NPSR1: variants seen among roughly 807,000 people sequenced by gnomAD.
NPSR1 encodes neuropeptide S receptor 1, also known as neuropeptide S receptor.
Under a neutral mutation model 46.9 loss-of-function variants are expected in NPSR1, and 48 were observed. The ratio of observed to expected loss-of-function variants is 1.02; its 90% confidence interval spans 0.81 to 1.30. The LOEUF (loss-of-function observed/expected upper bound fraction) is 1.30. Ranked by LOEUF, NPSR1 falls within the 50% of genes most tolerant of loss-of-function variation. NPSR1 has a pLI of 0.00. For synonymous variants in NPSR1, 176 were observed against 168.1 expected, an observed-to-expected ratio of 1.05 and a Z score of -0.36; for missense variants, 450 against 449.5, an observed-to-expected ratio of 1.00 and a Z score of -0.01.
At chr7:34,692,151 T>C (rs1245297093) in intron 2 of NPSR1, among the ~76,000 whole-genome samples, 1 of 151,032 alleles carries the variant, frequency 6.6e-6, no homozygotes, top group Non-Finnish European at 1.5e-5. Context: ...CGAAACAAAA[T>C]AAAAAGAAAG....
At chr7:34,785,873 C>T (rs758420813) in intron 3 of NPSR1, among the ~76,000 whole-genome samples, 5 of 152,072 alleles carry the variant, frequency 3.3e-5, no homozygotes, top group African/African-American at 7.2e-5. Flanking sequence ...TTTAAAAATA[C>T]TTAATGGCTA....
At position 34,838,152 on chromosome 7, in the gene NPSR1, C is replaced by T. The variant is rs559158859; in HGVS notation, c.757+3692C>T. Among the ~76,000 whole-genome samples, 6 of 152,268 alleles carry T rather than the reference C, an allele frequency of 3.9e-5. No individual in the cohort carries two copies. The East Asian group carries it at 1.2e-3, about 29-fold the overall frequency. On this transcript the variant is annotated intron_variant, in intron 6 of 8. Coordinates refer to ENST00000360581, the MANE Select transcript of NPSR1 (RefSeq NM_207172.2). ...GCATGCCTCCCCCCAGGGAGGCTGACTTCCTGGCTCTCTCCAAAGTTCCCA... is the reference window on the plus strand; with the variant it reads ...GCATGCCTCCCCCCAGGGAGGCTGATTTCCTGGCTCTCTCCAAAGTTCCCA...
chr7:34,815,497 T>C (rs1789201859), intron 4 of NPSR1, among the ~76,000 whole-genome samples: 1 of 152,196 alleles, frequency 6.6e-6, no homozygotes, highest in African/African-American at 2.4e-5. Flanking sequence ...GAACACACTC[T>C]TCATGATATT....
chr7:34,749,394 AG>A (rs1785386761), intron 2 of NPSR1, among the ~76,000 whole-genome samples: 2 of 152,214 alleles, frequency 1.3e-5, no homozygotes, highest in African/African-American at 4.8e-5. Context: ...GGAGAGGTAA[AG>A]GAAGATGTTC....
At chr7:34,756,906 T>C (rs1273708951) in intron 2 of NPSR1, among the ~76,000 whole-genome samples, 1 of 152,250 alleles carries the variant, frequency 6.6e-6, no homozygotes, top group Non-Finnish European at 1.5e-5. Flanking sequence ...ACATGCTTTA[T>C]ATGCTTTACT....
chr7:34,814,475 C>A (rs923774180), intron 4 of NPSR1, among the ~76,000 whole-genome samples: 9 of 152,252 alleles, frequency 5.9e-5, no homozygotes, highest in Admixed American at 2.0e-4. Context: ...CATAGCTGAA[C>A]AAAAGGCAGC....
intron 2 of NPSR1, among the ~76,000 whole-genome samples, chr7:34,739,494 G>A (rs1784835117): frequency 6.6e-6 from 1 of 152,096 alleles, no homozygotes; most frequent in Non-Finnish European, 1.5e-5. Flanking sequence ...ATTAATGATG[G>A]TGAGCATTTT....
chr7:34,759,549 G>A (rs1364597572), intron 2 of NPSR1, among the ~76,000 whole-genome samples: 1 of 152,172 alleles, frequency 6.6e-6, no homozygotes, highest in East Asian at 1.9e-4. Context: ...ACAACATGAT[G>A]TTCCAGGCTT....
intron 6 of NPSR1, among the ~76,000 whole-genome samples, chr7:34,843,774 G>A (rs973167331): frequency 6.6e-6 from 1 of 152,222 alleles, no homozygotes; most frequent in African/African-American, 2.4e-5. Flanking sequence ...CGTGAGAGCT[G>A]GGCAGTGCAG....
At chr7:34,688,323 T>C (rs2128687242) in intron 2 of NPSR1, among the ~76,000 whole-genome samples, 1 of 152,266 alleles carries the variant, frequency 6.6e-6, no homozygotes, top group Non-Finnish European at 1.5e-5. Context: ...CAATAATTGA[T>C]GAAAAACGAG....
intron 2 of NPSR1, among the ~76,000 whole-genome samples, chr7:34,774,884 C>A (rs1250041983): frequency 6.6e-6 from 1 of 152,138 alleles, no homozygotes; most frequent in Non-Finnish European, 1.5e-5. Flanking sequence ...TGTGTTGCCT[C>A]CAAAACACAA....
chr7:34,783,033 C>T (rs1176362587), intron 3 of NPSR1, among the ~76,000 whole-genome samples: 1 of 150,818 alleles, frequency 6.6e-6, no homozygotes, highest in Non-Finnish European at 1.5e-5. Flanking sequence ...ATCAAGTAGA[C>T]AAAGAATTTG....
At chr7:34,781,797 C>T (rs1408471260) in intron 3 of NPSR1, among the ~76,000 whole-genome samples, 1 of 152,164 alleles carries the variant, frequency 6.6e-6, no homozygotes, top group Non-Finnish European at 1.5e-5. Flanking sequence ...CTACACTGGG[C>T]TCACCCATGT....
chr7:34,721,163 G>T (rs1360013454), intron 2 of NPSR1, among the ~76,000 whole-genome samples: 4 of 152,186 alleles, frequency 2.6e-5, no homozygotes, highest in Non-Finnish European at 5.9e-5. Flanking sequence ...AAGGAGCAAT[G>T]CTTGAGGCAA....
At chr7:34,681,471 T>A (rs1310274888) in intron 1 of NPSR1, among the ~76,000 whole-genome samples, 1 of 152,178 alleles carries the variant, frequency 6.6e-6, no homozygotes, top group African/African-American at 2.4e-5. Flanking sequence ...AGTAGAGGTA[T>A]GCAGGGCCTT....
rs933902019 is a variant in NPSR1 at position 34,822,889 on chromosome 7, T to G, written c.479-4512T>G. ...AAAAGCAGAAGCAAGAAGGAAAATA[T>G]AGTTTTTTACTACATAAAAATTTAA... is the stretch of plus-strand genomic sequence containing the variant. On this transcript the variant is annotated intron_variant, in intron 4 of 8. Coordinates refer to ENST00000360581, the MANE Select transcript of NPSR1 (RefSeq NM_207172.2). Among the ~76,000 whole-genome samples, 3 of 152,174 alleles carry G rather than the reference T, an allele frequency of 2.0e-5. No individual in the cohort carries two copies. In the East Asian group the frequency reaches 5.8e-4, roughly 29 times the overall value.
intron 2 of NPSR1, among the ~76,000 whole-genome samples, chr7:34,695,008 T>C (rs891882794): frequency 6.6e-6 from 1 of 152,270 alleles, no homozygotes; most frequent in East Asian, 1.9e-4. Context: ...GTGCCTAGCA[T>C]AGCCAAAGTA....
chr7:34,779,818 CAAT>C (rs1372988331), intron 3 of NPSR1: 1 of 230,054 alleles, frequency 4.3e-6, no homozygotes, highest in East Asian at 8.3e-5. Flanking sequence ...TGGCTTAAAA[CAAT>C]AAACATTTAT....
At chr7:34,830,245 A>T (rs1432340550) in intron 5 of NPSR1, among the ~76,000 whole-genome samples, 2 of 152,162 alleles carry the variant, frequency 1.3e-5, no homozygotes, top group Non-Finnish European at 2.9e-5. Flanking sequence ...TAAATTCTTC[A>T]TTTCAAGCTT....
Sources: gnomAD v4.1 joint callset for allele counts (sites outside exome capture counted in the v4.1 genomes callset) on GRCh38, gnomAD v4.1.1 for gene constraint, MANE v1.5 for transcripts, NCBI Gene and HGNC (gene_info 2026-07-23, HGNC 2026-07-21) for gene names.